Variants in GFRA1 observed in about 807,000 individuals in gnomAD.
GFRA1 encodes the protein GDNF family receptor alpha 1.
Under a neutral mutation model 51.6 loss-of-function variants are expected in GFRA1, and 16 were observed. That is an observed-to-expected ratio of 0.31 (90% confidence interval 0.21 to 0.47). GFRA1 has a LOEUF of 0.47. Ranked by LOEUF, GFRA1 falls within the 20% of genes least tolerant of loss-of-function variation. The pLI, the probability that GFRA1 is intolerant of heterozygous loss-of-function variation, is 1.00. For missense variants in GFRA1, 530 were observed against 594.3 expected, an observed-to-expected ratio of 0.89 and a Z score of 1.13; for synonymous variants, 270 against 241.3, an observed-to-expected ratio of 1.12 and a Z score of -1.10.
intron 9 of GFRA1, among the ~76,000 whole-genome samples, chr10:116,083,569 G>A (rs938869904): frequency 2.0e-5 from 3 of 152,234 alleles, no homozygotes; most frequent in African/African-American, 7.2e-5. Flanking sequence ...TGGCACAAAT[G>A]ATTTACAGAA....
rs1954676993 is a variant in GFRA1, at chr10:116,058,950, C to G, written c.*5448G>C. 6.6e-6 allele frequency: 1 copy of G among 152,208 alleles called. No homozygotes were observed. Among genetic ancestry groups the G allele is most frequent in the South Asian group, 2.1e-4 (1 of 4,828 alleles). 9.4% of individuals were successfully genotyped at this position (152,208 alleles called of 1,614,324 possible). A position where few individuals can be genotyped will look rare whatever the true frequency, so the allele number is the denominator to read the frequency against. On this transcript the variant is annotated 3_prime_UTR_variant, in exon 11 of 11. Transcript: ENST00000355422. ...ACAAAGTCTACCCCCGTTTTGGGCT[C>G]TGTCCTTCCTGGCGGATGTGAGCCT...
chr10:116,254,698 G>C (rs1346336931), intron 4 of GFRA1, among the ~76,000 whole-genome samples: 3 of 152,134 alleles, frequency 2.0e-5, no homozygotes, highest in African/African-American at 7.2e-5. Context: ...AACCAGTATA[G>C]CTAAATCTTC....
chr10:116,244,731 G>C (rs1456826268), intron 4 of GFRA1, among the ~76,000 whole-genome samples: 2 of 151,806 alleles, frequency 1.3e-5, no homozygotes, highest in African/African-American at 4.8e-5. Context: ...AGAATAAAGA[G>C]GAAGAAGCTT....
intron 4 of GFRA1, among the ~76,000 whole-genome samples, chr10:116,222,426 T>C (rs1210322451): frequency 1.3e-5 from 2 of 152,160 alleles, no homozygotes; most frequent in Admixed American, 6.5e-5. Flanking sequence ...CAGGAACTCC[T>C]GACCTCAGGT....
intron 6 of GFRA1, among the ~76,000 whole-genome samples, chr10:116,102,913 C>T (rs535622416): frequency 6.6e-6 from 1 of 152,302 alleles, no homozygotes; most frequent in East Asian, 1.9e-4. Flanking sequence ...TGGAGTGTTT[C>T]TCTAAACCCA....
At chr10:116,150,470 GC>G (rs1198396768) in intron 5 of GFRA1, among the ~76,000 whole-genome samples, 1 of 152,176 alleles carries the variant, frequency 6.6e-6, no homozygotes, top group African/African-American at 2.4e-5. Flanking sequence ...CATAGGACAT[GC>G]CCCTCTGGGT....
At chr10:116,232,266 G>A (rs1041843970) in intron 4 of GFRA1, among the ~76,000 whole-genome samples, 7 of 152,116 alleles carry the variant, frequency 4.6e-5, no homozygotes, top group African/African-American at 1.7e-4. Flanking sequence ...TCCTCCCAAG[G>A]AATATGCCTT....
At chr10:116,152,690 T>G (rs1959110589) in intron 5 of GFRA1, among the ~76,000 whole-genome samples, 1 of 152,204 alleles carries the variant, frequency 6.6e-6, no homozygotes, top group African/African-American at 2.4e-5. Context: ...CCATATCACA[T>G]GCCCTCAGCA....
intron 9 of GFRA1, among the ~76,000 whole-genome samples, chr10:116,078,667 C>T (rs117694550): frequency 6.6e-6 from 1 of 152,206 alleles, no homozygotes; most frequent in Non-Finnish European, 1.5e-5. Flanking sequence ...CTGGGTATAG[C>T]CAAGGTTAGA....
chr10:116,144,999 A>T (rs1958733408), intron 5 of GFRA1, among the ~76,000 whole-genome samples: 1 of 151,678 alleles, frequency 6.6e-6, no homozygotes, highest in African/African-American at 2.4e-5. Context: ...AAATACAAAA[A>T]TTAGCCAGGC....
intron 9 of GFRA1, among the ~76,000 whole-genome samples, chr10:116,073,195 C>T (rs1955478083): frequency 6.6e-6 from 1 of 152,160 alleles, no homozygotes; most frequent in African/African-American, 2.4e-5. Context: ...TAAAAGGATG[C>T]CTGCAGCTTT....
At chr10:116,240,460 G>A (rs1477276501) in intron 4 of GFRA1, among the ~76,000 whole-genome samples, 2 of 152,172 alleles carry the variant, frequency 1.3e-5, no homozygotes, top group South Asian at 4.1e-4. Flanking sequence ...CATTCGCAAA[G>A]AAGTATTTTC....
intron 5 of GFRA1, among the ~76,000 whole-genome samples, chr10:116,168,680 GC>G (rs1469254242): frequency 6.6e-6 from 1 of 152,132 alleles, no homozygotes; most frequent in Admixed American, 6.5e-5. Context: ...TTCTTTTAGG[GC>G]CCCCACAGAG....
chr10:116,197,075 A>G (rs1234281090), intron 5 of GFRA1, among the ~76,000 whole-genome samples: 1 of 151,732 alleles, frequency 6.6e-6, no homozygotes, highest in African/African-American at 2.4e-5. Context: ...CCTATCCTAA[A>G]TCCTGGATGA....
intron 5 of GFRA1, among the ~76,000 whole-genome samples, chr10:116,190,980 G>C (rs77196086): frequency 0.012 from 1,889 of 152,328 alleles, 53 homozygotes; most frequent in African/African-American, 0.043. Flanking sequence ...GAGAATCCGA[G>C]GGGAGGGGAG....
intron 4 of GFRA1, among the ~76,000 whole-genome samples, chr10:116,218,500 G>A (rs557614586): frequency 6.6e-6 from 1 of 152,158 alleles, no homozygotes; most frequent in African/African-American, 2.4e-5. Flanking sequence ...TCCTGCCCAG[G>A]TGCAGGTCTG....
chr10:116,269,892 G>A (rs1191986023), intron 3 of GFRA1, among the ~76,000 whole-genome samples: 2 of 152,034 alleles, frequency 1.3e-5, no homozygotes, highest in African/African-American at 2.4e-5. Flanking sequence ...GTGACGTCAC[G>A]AGCCCTGCTT....
chr10:116,193,964 G>A (rs560043289), intron 5 of GFRA1, among the ~76,000 whole-genome samples: 4 of 151,416 alleles, frequency 2.6e-5, no homozygotes, highest in Non-Finnish European at 4.4e-5. Flanking sequence ...GTGTGAACCC[G>A]GGAGGCAGAG....
intron 4 of GFRA1, among the ~76,000 whole-genome samples, chr10:116,262,262 C>T (rs1489625239): frequency 6.6e-6 from 1 of 152,176 alleles, no homozygotes; most frequent in Non-Finnish European, 1.5e-5. Flanking sequence ...TACAGTAACT[C>T]TATGCAAAAT....
Sources: allele counts gnomAD v4.1 joint callset (sites outside exome capture counted in the v4.1 genomes callset), GRCh38; gene constraint gnomAD v4.1.1; transcripts MANE v1.5; gene names NCBI Gene and HGNC (gene_info 2026-07-23, HGNC 2026-07-21).